The following SDF2 variants were observed in gnomAD, a reference collection of about 807,000 sequenced individuals.
SDF2 encodes stromal cell-derived factor 2.
Under a neutral mutation model 20.5 loss-of-function variants are expected in SDF2, and 12 were observed. The ratio of observed to expected loss-of-function variants is 0.58; its 90% confidence interval spans 0.37 to 0.95. The LOEUF is 0.95. Among genes scored for constraint, SDF2 ranks in the 40% least tolerant of loss-of-function variants. SDF2 has a pLI of 0.01. For missense variants in SDF2, 238 were observed against 263.1 expected, an observed-to-expected ratio of 0.90 and a Z score of 0.66; for synonymous variants, 100 against 101.0, an observed-to-expected ratio of 0.99 and a Z score of 0.06.
intron 1 of SDF2, among the ~76,000 whole-genome samples, chr17:28,656,481 G>A (rs2071963589): frequency 6.6e-6 from 1 of 152,056 alleles, no homozygotes; most frequent in Admixed American, 6.6e-5. Flanking sequence ...CCAGCTATCT[G>A]GGAGGCTGAG....
chr17:28,650,720 A>T (rs2071906568), intron 2 of SDF2, among the ~76,000 whole-genome samples: 1 of 132,506 alleles, frequency 7.5e-6, no homozygotes, highest in Admixed American at 8.9e-5. Context: ...TGGGAGGCGG[A>T]GGTTGCCGTG....
At chr17:28,654,463 CTTGAT>C (rs1356909375) in intron 2 of SDF2, among the ~76,000 whole-genome samples, 1 of 151,762 alleles carries the variant, frequency 6.6e-6, no homozygotes, top group Non-Finnish European at 1.5e-5. Context: ...CTTCCCATTT[CTTGAT>C]TTGGTTTAGT....
intron 2 of SDF2, among the ~76,000 whole-genome samples, chr17:28,653,880 T>C: frequency 6.6e-6 from 1 of 152,200 alleles, no homozygotes; most frequent in East Asian, 1.9e-4. Context: ...AATAAAACTG[T>C]ATCAATATTG....
chr17:28,656,908 AC>A lies in SDF2; in HGVS notation c.152-1426del, dbSNP rs944687021. The stretch of plus-strand genomic sequence containing the variant: ...CTTTAAGCAGCCATTACAGCTCCCA[AC>A]TCCCATAAGTGGTCAATTATTATAA... On this transcript the variant is annotated intron_variant, in intron 1 of 2. Coordinates refer to ENST00000247020, the MANE Select transcript of SDF2 (RefSeq NM_006923.4). Among the ~76,000 whole-genome samples, 18 of 152,238 alleles carry A rather than the reference AC, an allele frequency of 1.2e-4. 1 individual carries two copies. In the South Asian group the frequency reaches 1.5e-3, roughly 12 times the overall value.
chr17:28,649,325 A>T (rs2071892556), intron 2 of SDF2, 49 bp from the exon 3 acceptor site: 5 of 1,577,166 alleles, frequency 3.2e-6, no homozygotes, highest in Admixed American at 3.4e-5. Context: ...CAAGGGCTTG[A>T]AAAGGGGTGG....
chr17:28,648,474 A>G lies in SDF2; in HGVS notation c.*515T>C, dbSNP rs1281084910. ...GAGGGAGAAAAGGTTTGTATGCAAG[A>G]AAAGCTCTTAAAAGGGCCCACATTG... is the stretch of plus-strand genomic sequence containing the variant. On this transcript the variant is annotated 3_prime_UTR_variant, in exon 3 of 3. Coordinates refer to ENST00000247020, the MANE Select transcript of SDF2 (RefSeq NM_006923.4). The G allele has an allele frequency of 1.3e-5, 2 of 155,038 alleles. No individual in the cohort carries two copies. The highest frequency in any genetic ancestry group is 4.8e-5 in the African/African-American group (2 of 41,468). 9.6% of individuals were successfully genotyped at this position (155,038 alleles called of 1,614,324 possible). A position where few individuals can be genotyped will look rare whatever the true frequency, so the allele number is the denominator to read the frequency against.
At chr17:28,657,291 G>A (rs2071972227) in intron 1 of SDF2, among the ~76,000 whole-genome samples, 1 of 152,006 alleles carries the variant, frequency 6.6e-6, no homozygotes, top group Admixed American at 6.6e-5. Flanking sequence ...GCTCATGCCT[G>A]TAATCCAAGC....
At chr17:28,662,187 C>T, upstream of SDF2, 1 of 274,170 alleles carries the variant, frequency 3.6e-6, no homozygotes, top group Non-Finnish European at 7.1e-6. Context: ...TGACAGGGAG[C>T]CGGAAATGAC....
chr17:28,654,412 C>T (rs1160944956), intron 2 of SDF2, among the ~76,000 whole-genome samples: 1 of 150,370 alleles, frequency 6.7e-6, no homozygotes, highest in African/African-American at 2.4e-5. Flanking sequence ...TGCAGAATAT[C>T]AGAACTTATG....
At chr17:28,654,879 G>A (rs113345858) in intron 2 of SDF2, among the ~76,000 whole-genome samples, 9 of 151,860 alleles carry the variant, frequency 5.9e-5, no homozygotes, top group East Asian at 3.9e-4. Flanking sequence ...CCGCTTGAAC[G>A]CAGGAGGCAG....
In SDF2 at chr17:28,649,314, A is replaced by C. The variant is rs570948343; in HGVS notation, c.349-38T>G. On this transcript the variant is annotated intron_variant, in intron 2 of 2. Transcript: ENST00000247020. The stretch of plus-strand genomic sequence containing the variant: ...GAAGGTAGTAACATCAGCATGGCTG[A>C]CAAGGGCTTGAAAAGGGGTGGGAGG... 8.8e-6 allele frequency: 14 copies of C among 1,598,822 alleles called. No individual in the cohort carries two copies. In the South Asian group the frequency reaches 1.5e-4, roughly 18 times the overall value.
rs140462227 is a variant in SDF2, at chr17:28,648,452, G to A, written c.*537C>T. 1,030 of 154,216 alleles carry A rather than the reference G, an allele frequency of 6.7e-3. 9 individuals are homozygous for A. Among genetic ancestry groups the A allele is most frequent in the African/African-American group, 0.021 (860 of 41,544 alleles). 9.6% of individuals were successfully genotyped at this position (154,216 alleles called of 1,614,324 possible). On this transcript the variant is annotated 3_prime_UTR_variant, in exon 3 of 3. Transcript: ENST00000247020. ...TGCCTGGAGAGAAGTCAAAGTAGAG[G>A]GAGAAAAGGTTTGTATGCAAGAAAA...
chr17:28,651,720 T>C (rs946520926), intron 2 of SDF2: 1 of 152,204 alleles, frequency 6.6e-6, no homozygotes, highest in African/African-American at 2.4e-5. Context: ...CCATCTTCCT[T>C]AAGGCCAAAT....
intron 1 of SDF2, among the ~76,000 whole-genome samples, chr17:28,660,103 G>C (rs933961150): frequency 6.6e-6 from 1 of 152,228 alleles, no homozygotes; most frequent in South Asian, 2.1e-4. Flanking sequence ...GTCAGGCATG[G>C]CGGCGTGTGC....
In SDF2 at chr17:28,654,354, TA is replaced by T. The variant is rs111562932; in HGVS notation, c.348+932del. Among the ~76,000 whole-genome samples the T allele has an allele frequency of 9.6e-3, 1,338 of 138,918 alleles. 9 individuals carry two copies. The highest frequency in any genetic ancestry group is 0.025 in the African/African-American group (942 of 37,850). The allele number at this position is 138,918 out of a possible 152,430, so 91.1% of individuals were successfully genotyped here. A position where few individuals can be genotyped will look rare whatever the true frequency, so the allele number is the denominator to read the frequency against. ...TCCTAATGTAACTAGTTAGCATCAT[TA>T]AAAAAAAAAAAAACACTGCAAGTTG... On this transcript the variant is annotated intron_variant, in intron 2 of 2. Transcript: ENST00000247020.
chr17:28,650,803 CAAAAAAAAAAAA>C (rs57928087), intron 2 of SDF2, among the ~76,000 whole-genome samples: 12 of 19,080 alleles, frequency 6.3e-4, no homozygotes, highest in South Asian at 4.5e-3. Flanking sequence ...GACTTTGTCT[CAAAAAAAAAAAA>C]AAAAAAAAAA....
At chr17:28,653,184 A>G (rs1052559260) in intron 2 of SDF2, among the ~76,000 whole-genome samples, 5 of 152,226 alleles carry the variant, frequency 3.3e-5, no homozygotes, top group African/African-American at 1.2e-4. Flanking sequence ...TACAGGAGAA[A>G]CCTAACGAAC....
In SDF2 at chr17:28,655,456, A is replaced by AC. The variant is rs773151905; in HGVS notation, c.178dup (p.Val60GlyfsTer6). The AC allele has an allele frequency of 1.2e-6, 2 of 1,609,642 alleles. No homozygotes were observed. The highest frequency in any genetic ancestry group is 1.7e-6 in the Non-Finnish European group (2 of 1,177,562). ...ACTGTTGCTGTCATCCACAGAGGTTACACCTGTCACTGACTGCTGCCCACT... is the reference window on the plus strand; with the variant it reads ...ACTGTTGCTGTCATCCACAGAGGTTACCACCTGTCACTGACTGCTGCCCACT... On this transcript the variant is annotated frameshift_variant, in exon 2 of 3. Transcript: ENST00000247020. LOFTEE classifies it high-confidence loss of function.
intron 1 of SDF2, among the ~76,000 whole-genome samples, chr17:28,659,814 A>G (rs373774103): frequency 2.7e-4 from 38 of 138,684 alleles, no homozygotes; most frequent in African/African-American, 9.2e-4. Context: ...CCAGGCAGAG[A>G]CGCTCCTCAC....
Sources: gnomAD v4.1 joint callset for allele counts (sites outside exome capture counted in the v4.1 genomes callset) on GRCh38, gnomAD v4.1.1 for gene constraint, MANE v1.5 for transcripts, NCBI Gene and HGNC (gene_info 2026-07-23, HGNC 2026-07-21) for gene names.